Variants in CNTN4 observed in about 807,000 individuals in gnomAD.
CNTN4 encodes the protein contactin-4.
CNTN4 carries 77 observed loss-of-function variants against 122.5 expected under a neutral mutation model. That is an observed-to-expected ratio of 0.63 (90% CI 0.52 to 0.76). CNTN4 has a LOEUF of 0.76. Ranked by LOEUF, CNTN4 falls within the 30% of genes least tolerant of loss-of-function variation. The pLI, the probability that CNTN4 is intolerant of heterozygous loss-of-function variation, is 0.00. For missense variants in CNTN4, 1,256 were observed against 1,259.1 expected, an observed-to-expected ratio of 1.00 and a Z score of 0.04; for synonymous variants, 512 against 447.0, an observed-to-expected ratio of 1.15 and a Z score of -1.83.
chr3:3,039,552 C>G (rs1397432881), intron 19 of CNTN4: 2 of 182,300 alleles, frequency 1.1e-5, no homozygotes, highest in Non-Finnish European at 2.3e-5. Context: ...AAATTAAAAT[C>G]TCTCATTTAC....
rs113254601 is a variant in CNTN4, at chr3:2,169,476, G to T, written c.-145+68837G>T. Reference sequence around the variant, plus strand: ...GGCTGGAGTGCGGTGGCGCGATCTCGGCTCACTGCAAGCTCCGCCTCCCGG... The same window carrying T: ...GGCTGGAGTGCGGTGGCGCGATCTCTGCTCACTGCAAGCTCCGCCTCCCGG... On this transcript the variant is annotated intron_variant, in intron 2 of 24. Transcript: ENST00000418658. Among the ~76,000 whole-genome samples the T allele has an allele frequency of 6.5e-3, 992 of 151,906 alleles. 4 individuals are homozygous for T. The highest frequency in any genetic ancestry group is 0.017 in the African/African-American group (723 of 41,406).
chr3:2,972,507 T>C (rs191713927), intron 13 of CNTN4, among the ~76,000 whole-genome samples: 1 of 152,308 alleles, frequency 6.6e-6, no homozygotes, highest in Admixed American at 6.5e-5. Context: ...TTTAAACTGA[T>C]TATAGGGATC....
chr3:2,870,535 G>A (rs2093772759), intron 8 of CNTN4, among the ~76,000 whole-genome samples: 1 of 152,172 alleles, frequency 6.6e-6, no homozygotes, highest in African/African-American at 2.4e-5. Context: ...AATCTATTCT[G>A]TGACAGTAAA....
intron 14 of CNTN4, among the ~76,000 whole-genome samples, chr3:3,015,046 A>C (rs1361059760): frequency 6.6e-6 from 1 of 152,132 alleles, no homozygotes; most frequent in African/African-American, 2.4e-5. Context: ...CTTTCTCTCC[A>C]AAATGAAAAA....
At chr3:2,499,859 A>G (rs558561543) in intron 3 of CNTN4, among the ~76,000 whole-genome samples, 64 of 152,198 alleles carry the variant, frequency 4.2e-4, no homozygotes, top group African/African-American at 1.4e-3. Flanking sequence ...CTTCCAGTTC[A>G]TGAACCTGGT....
intron 2 of CNTN4, among the ~76,000 whole-genome samples, chr3:2,143,951 A>G (rs2035125882): frequency 6.6e-6 from 1 of 152,258 alleles, no homozygotes; most frequent in African/African-American, 2.4e-5. Flanking sequence ...TCAGATACAC[A>G]TACTTGAACT....
intron 4 of CNTN4, among the ~76,000 whole-genome samples, chr3:2,651,663 C>T (rs111857786): frequency 2.6e-5 from 4 of 151,826 alleles, no homozygotes; most frequent in African/African-American, 9.7e-5. Flanking sequence ...CCAGCCTAGG[C>T]AACGTAGGGA....
intron 3 of CNTN4, among the ~76,000 whole-genome samples, chr3:2,394,784 GTTTT>G (rs56027529): frequency 4.6e-5 from 5 of 108,486 alleles, no homozygotes; most frequent in Non-Finnish European, 7.3e-5. Context: ...CCTTATATTA[GTTTT>G]TTTTTTTTTT....
At chr3:2,630,004 C>G (rs1385305649) in intron 4 of CNTN4, among the ~76,000 whole-genome samples, 2 of 152,194 alleles carry the variant, frequency 1.3e-5, no homozygotes, top group Non-Finnish European at 2.9e-5. Flanking sequence ...TGAGCCGAAT[C>G]TGCCTCTCTA....
At chr3:2,354,010 C>T (rs554194674) in intron 3 of CNTN4, among the ~76,000 whole-genome samples, 1 of 152,288 alleles carries the variant, frequency 6.6e-6, no homozygotes, top group Admixed American at 6.5e-5. Context: ...TAGGTACTTT[C>T]CTAATCCTTA....
intron 3 of CNTN4, among the ~76,000 whole-genome samples, chr3:2,530,048 C>G (rs578042568): frequency 1.3e-5 from 2 of 152,226 alleles, no homozygotes; most frequent in South Asian, 4.2e-4. Context: ...ATCACACTTC[C>G]TCCCTGGCAG....
In CNTN4 at chr3:2,677,103, T is replaced by TATAG. The variant is rs1286328169; in HGVS notation, c.56-59097_56-59094dup. Among the ~76,000 whole-genome samples, 759 of 151,364 alleles carry TATAG rather than the reference T, an allele frequency of 5.0e-3. 6 individuals carry two copies. Among genetic ancestry groups the TATAG allele is most frequent in the African/African-American group, 0.017 (709 of 41,246 alleles). Reference sequence around the variant, plus strand: ...CACACTGGATTCTATTCTCTCTCTCTATAGATAGATAGATAGATCACTCTT... The same window carrying TATAG: ...CACACTGGATTCTATTCTCTCTCTCTATAGATAGATAGATAGATAGATCACTCTT... On this transcript the variant is annotated intron_variant, in intron 4 of 24. Coordinates refer to ENST00000418658, the MANE Select transcript of CNTN4 (RefSeq NM_175607.3).
At chr3:2,429,048 A>G (rs540827896) in intron 3 of CNTN4, among the ~76,000 whole-genome samples, 3 of 152,110 alleles carry the variant, frequency 2.0e-5, no homozygotes, top group African/African-American at 7.2e-5. Context: ...GAGGTTTGTT[A>G]TTACCGATCG....
At chr3:2,538,658 T>C (rs2077908740) in intron 3 of CNTN4, among the ~76,000 whole-genome samples, 1 of 152,030 alleles carries the variant, frequency 6.6e-6, no homozygotes, top group Admixed American at 6.6e-5. Context: ...CTTTCATAAC[T>C]GCTATTTTAT....
At chr3:2,650,452 T>A (rs995616070) in intron 4 of CNTN4, among the ~76,000 whole-genome samples, 1 of 152,180 alleles carries the variant, frequency 6.6e-6, no homozygotes, top group African/African-American at 2.4e-5. Flanking sequence ...GTAAACTTAG[T>A]GGATAAAGCA....
At chr3:2,353,529 C>G (rs1265462309) in intron 3 of CNTN4, among the ~76,000 whole-genome samples, 2 of 152,126 alleles carry the variant, frequency 1.3e-5, no homozygotes, top group East Asian at 3.9e-4. Context: ...GTAACAGTCA[C>G]CGGGAAGGTC....
intron 4 of CNTN4, among the ~76,000 whole-genome samples, chr3:2,580,619 G>A (rs1055003671): frequency 6.6e-6 from 1 of 152,126 alleles, no homozygotes; most frequent in Non-Finnish European, 1.5e-5. Flanking sequence ...AACTTTGTTG[G>A]ATGATGTAGC....
intron 3 of CNTN4, among the ~76,000 whole-genome samples, chr3:2,352,130 C>A (rs2044650452): frequency 6.6e-6 from 1 of 152,142 alleles, no homozygotes; most frequent in Admixed American, 6.5e-5. Flanking sequence ...GTTGCTCATG[C>A]CTGTAATCCC....
chr3:3,031,642 G>A (rs1166517864), intron 16 of CNTN4, among the ~76,000 whole-genome samples: 1 of 152,128 alleles, frequency 6.6e-6, no homozygotes, highest in Non-Finnish European at 1.5e-5. Context: ...AAACCGGTTG[G>A]CAAAGGAACT....
Sources: gnomAD v4.1 joint callset for allele counts (sites outside exome capture counted in the v4.1 genomes callset) on GRCh38, gnomAD v4.1.1 for gene constraint, MANE v1.5 for transcripts, NCBI Gene and HGNC (gene_info 2026-07-23, HGNC 2026-07-21) for gene names.